EPM2A: variants seen among roughly 807,000 people sequenced by gnomAD.
EPM2A encodes laforin.
EPM2A carries 21 observed loss-of-function variants against 26.5 expected under a neutral mutation model. That is an observed-to-expected ratio of 0.79 (90% CI 0.56 to 1.14). The LOEUF is 1.14. EPM2A is among the 50% of genes most tolerant of loss of function. The pLI is 0.00. For missense variants in EPM2A, 458 were observed against 440.8 expected (o/e 1.04, Z -0.35); for synonymous variants, 217 against 177.6 (o/e 1.22, Z -1.76).
At chr6:145,655,680 AAG>A (rs1283058173) in intron 2 of EPM2A, among the ~76,000 whole-genome samples, 2 of 152,294 alleles carry the variant, frequency 1.3e-5, no homozygotes, top group African/African-American at 4.8e-5. Context: ...AGCTTTAAAT[AAG>A]AGTTTCTTCA....
At chr6:145,507,957 A>T (rs379164) in intron 2 of EPM2A, among the ~76,000 whole-genome samples, 68,413 of 151,972 alleles carry the variant, frequency 0.45, 15,443 homozygotes, top group South Asian at 0.58. Context: ...ACTAGCTCCA[A>T]GGAACAGGAG....
chr6:145,435,767 T>C (rs570117243), intron 4 of EPM2A, among the ~76,000 whole-genome samples: 2 of 152,234 alleles, frequency 1.3e-5, no homozygotes, highest in South Asian at 4.1e-4. Context: ...TTCTTTCATA[T>C]AGCATGATTT....
chr6:145,523,340 C>A (rs767269940), intron 2 of EPM2A, among the ~76,000 whole-genome samples: 18 of 152,156 alleles, frequency 1.2e-4, no homozygotes, highest in Non-Finnish European at 2.9e-5. Flanking sequence ...TTGTGTTTTG[C>A]AGATACTGAA....
intron 4 of EPM2A, among the ~76,000 whole-genome samples, chr6:145,411,924 A>G (rs1778647949): frequency 6.6e-6 from 1 of 152,180 alleles, no homozygotes; most frequent in Non-Finnish European, 1.5e-5. Context: ...TTGACTTGAT[A>G]AAGAATTTCA....
At position 145,735,263 on chromosome 6, in the gene EPM2A, C is replaced by T. The variant is rs1400919753; in HGVS notation, c.236G>A (p.Gly79Asp). The T allele has an allele frequency of 6.6e-7, 1 of 1,517,732 alleles. No homozygotes were observed. The highest frequency in any genetic ancestry group is 8.8e-7 in the Non-Finnish European group (1 of 1,131,426). The allele number at this position is 1,517,732 out of a possible 1,614,324, so 94.0% of individuals were successfully genotyped here. ...CTTGTACCAGAACGTGTCCACGCGG[C>T]CCGGCTCCGCCCCGTCCTGCGCCGC... ...EEAAQDGAEP[G>D]RVDTFWYKFL... The change falls in exon 1 of 4, where the codon GGC (glycine) becomes GAC (aspartate). Residue 79 changes from glycine (G) to aspartate (D), a missense_variant. By Grantham distance (94) the Gly-to-Asp change is moderately conservative (BLOSUM62 -1). Transcript: ENST00000367519.
At chr6:145,681,535 T>G (rs1780534330) in intron 2 of EPM2A, among the ~76,000 whole-genome samples, 3 of 149,980 alleles carry the variant, frequency 2.0e-5, no homozygotes, top group Non-Finnish European at 1.5e-5. Flanking sequence ...GGTCTAATGT[T>G]TAAGTCTTTA....
At chr6:145,499,758 A>T (rs451349), downstream of EPM2A, among the ~76,000 whole-genome samples, 6 of 152,062 alleles carry the variant, frequency 3.9e-5, no homozygotes, top group Admixed American at 2.0e-4. Flanking sequence ...ATAATACTCC[A>T]CAGAGAAAAC....
At chr6:145,628,037 T>C (rs1411443635) in intron 3 of EPM2A, 1 of 285,076 alleles carries the variant, frequency 3.5e-6, no homozygotes, top group Non-Finnish European at 6.6e-6. Flanking sequence ...TTTGCAGAGA[T>C]TGGTCAGAAT....
chr6:145,681,527 T>A (rs1018000572), intron 2 of EPM2A, among the ~76,000 whole-genome samples: 2 of 149,940 alleles, frequency 1.3e-5, no homozygotes, highest in Admixed American at 1.3e-4. Flanking sequence ...TGGTTTTAGG[T>A]CTAATGTTTA....
chr6:145,500,081 A>G (rs570705440), downstream of EPM2A, among the ~76,000 whole-genome samples: 3 of 152,330 alleles, frequency 2.0e-5, no homozygotes, highest in South Asian at 6.2e-4. Context: ...ACTTTGGTAT[A>G]ACAGACATCT....
chr6:145,422,329 A>G (rs1187546891), intron 4 of EPM2A, among the ~76,000 whole-genome samples: 1 of 148,444 alleles, frequency 6.7e-6, no homozygotes, highest in Non-Finnish European at 1.5e-5. Context: ...GTATATACAT[A>G]TATAATTAGA....
intron 4 of EPM2A, among the ~76,000 whole-genome samples, chr6:145,455,394 G>A (rs1400364334): frequency 6.6e-6 from 1 of 152,126 alleles, no homozygotes; most frequent in African/African-American, 2.4e-5. Flanking sequence ...GTCTCACTCT[G>A]TTGCCCAGGC....
chr6:145,656,340 C>T (rs1562449968), intron 2 of EPM2A, among the ~76,000 whole-genome samples: 1 of 152,222 alleles, frequency 6.6e-6, no homozygotes, highest in African/African-American at 2.4e-5. Flanking sequence ...CCCAGAGAGC[C>T]TCCACAGTGT....
At chr6:145,670,070 C>A (rs1779533389) in intron 2 of EPM2A, among the ~76,000 whole-genome samples, 1 of 152,182 alleles carries the variant, frequency 6.6e-6, no homozygotes, top group South Asian at 2.1e-4. Flanking sequence ...TCGGTTCACT[C>A]TTGCTTACAC....
intron 1 of EPM2A, among the ~76,000 whole-genome samples, chr6:145,694,607 G>C (rs377308942): frequency 6.6e-6 from 1 of 151,956 alleles, no homozygotes; most frequent in Non-Finnish European, 1.5e-5. Flanking sequence ...AGATTGACAA[G>C]AAGAAGGAAA....
At position 145,685,904 on chromosome 6, in the gene EPM2A, G is replaced by A. The variant is rs1264312178; in HGVS notation, c.476+218C>T. On this transcript the variant is annotated intron_variant, in intron 2 of 3. Coordinates refer to ENST00000367519, the MANE Select transcript of EPM2A (RefSeq NM_005670.4). Reference sequence around the variant, plus strand: ...CTGGTCAAAACATATTGATGCTAGGGTATGCATTTATTAAAGAATTCTATT... The same window carrying A: ...CTGGTCAAAACATATTGATGCTAGGATATGCATTTATTAAAGAATTCTATT... 2.0e-5 allele frequency among the ~76,000 whole-genome samples: 3 copies of A among 152,044 alleles called. 1 individual carries two copies. In the South Asian group the frequency reaches 6.2e-4, roughly 31 times the overall value.
intron 1 of EPM2A, among the ~76,000 whole-genome samples, chr6:145,729,963 T>C (rs975015867): frequency 2.6e-5 from 4 of 152,168 alleles, no homozygotes; most frequent in African/African-American, 4.8e-5. Context: ...ATTCTCATGA[T>C]GATAGTGAGT....
At chr6:145,652,150 C>T (rs1171847932) in intron 2 of EPM2A, among the ~76,000 whole-genome samples, 3 of 152,084 alleles carry the variant, frequency 2.0e-5, no homozygotes, top group East Asian at 1.9e-4. Flanking sequence ...TAACAAATAT[C>T]GAAAAGCACT....
At position 145,423,464 on chromosome 6, in the gene EPM2A, G is replaced by A. The variant is rs111996583; in HGVS notation, c.556-39367C>T. Among the ~76,000 whole-genome samples, 221 of 152,238 alleles carry A rather than the reference G, an allele frequency of 1.5e-3. 2 individuals carry two copies. The Middle Eastern group carries it at 0.031, about 21-fold the overall frequency. On this transcript the variant is annotated intron_variant, in intron 4 of 4. Transcript: ENST00000638717. ...AACTATGAGATGGTACCTAAGATAT[G>A]TCCTGTCATATGGAAGGGGGAAGCC...
Sources: allele counts gnomAD v4.1 joint callset (sites outside exome capture counted in the v4.1 genomes callset), GRCh38; gene constraint gnomAD v4.1.1; transcripts MANE v1.5; gene names NCBI Gene and HGNC (gene_info 2026-07-23, HGNC 2026-07-21).